Variants in MRPL51 observed in about 807,000 individuals in gnomAD.
MRPL51 encodes the protein large ribosomal subunit protein mL51.
A neutral mutation model predicts 15.0 loss-of-function variants in MRPL51; 6 were observed. The observed-to-expected ratio is 0.40, with a 90% CI of 0.22 to 0.79. MRPL51 has a LOEUF of 0.79. Among genes scored for constraint, MRPL51 ranks in the 30% least tolerant of loss-of-function variants. MRPL51 has a pLI of 0.36. For synonymous variants in MRPL51, 65 were observed against 58.3 expected, an observed-to-expected ratio of 1.11 and a Z score of -0.52; for missense variants, 155 against 166.4, an observed-to-expected ratio of 0.93 and a Z score of 0.38.
chr12:6,492,255 T>C lies in MRPL51; in HGVS notation c.*16A>G, dbSNP rs1349508229. The C allele has an allele frequency of 1.3e-6, 2 of 1,575,040 alleles. No individual in the cohort carries two copies. The highest frequency in any genetic ancestry group is 4.5e-5 in the East Asian group (2 of 44,062). On this transcript the variant is annotated 3_prime_UTR_variant, in exon 3 of 3. Transcript: ENST00000229238. ...GGTGACAGATGAGCCTTTTCCGAAG[T>C]TCTCAGCTTTCTCTTCTATCGAAAC...
Position 6,492,095 on chromosome 12 carries a change from G to A in MRPL51, c.*176C>T. On this transcript the variant is annotated 3_prime_UTR_variant, in exon 3 of 3. Coordinates refer to ENST00000229238, the MANE Select transcript of MRPL51 (RefSeq NM_016497.4). Reference sequence around the variant, plus strand: ...ATCTAGGATGAGTCAAGACTTCATAGTCTACATGAGTAGAGGCAGCATCTA... The same window carrying A: ...ATCTAGGATGAGTCAAGACTTCATAATCTACATGAGTAGAGGCAGCATCTA... 3.2e-6 allele frequency: 2 copies of A among 630,330 alleles called. No homozygotes were observed. Among genetic ancestry groups the A allele is most frequent in the Admixed American group, 3.5e-5 (1 of 28,666 alleles). The allele number at this position is 630,330 out of a possible 1,614,324, so 39.0% of individuals were successfully genotyped here.
rs1238355014 is a variant in MRPL51, at chr12:6,492,394, C to A, written c.264G>T (p.Leu88Phe). ...TTTTCCTCTTTCGGATACAACGTTGCAATTCATTCCCTTTCCAACCTCGAA... is the reference window on the plus strand; with the variant it reads ...TTTTCCTCTTTCGGATACAACGTTGAAATTCATTCCCTTTCCAACCTCGAA... ...IWLRGWKGNE[L>F]QRCIRKRKMV... is the part of the protein sequence containing the mutation. Residue 88 changes from leucine (L) to phenylalanine (F), a missense_variant, in exon 3 of 3, where the codon TTG becomes TTT. Coordinates refer to ENST00000229238, the MANE Select transcript of MRPL51 (RefSeq NM_016497.4). 1 of 1,614,118 alleles carries A rather than the reference C, an allele frequency of 6.2e-7. No individual in the cohort carries two copies. Among genetic ancestry groups the A allele is most frequent in the East Asian group, 2.2e-5 (1 of 44,892 alleles).
chr12:6,493,149 C>T lies in MRPL51; in HGVS notation c.-13G>A, dbSNP rs770460069. On this transcript the variant is annotated 5_prime_UTR_variant, in exon 1 of 3. Transcript: ENST00000229238. The stretch of plus-strand genomic sequence containing the variant: ...GGTTCCCTGCCATTTCTCTAGTCTC[C>T]CCCCTTCAACAGCACACCAAATAAG... 2 of 1,611,952 alleles carry T rather than the reference C, an allele frequency of 1.2e-6. No homozygotes were observed. The highest frequency in any genetic ancestry group is 2.2e-5 in the South Asian group (2 of 90,990).
intron 2 of MRPL51, 77 bp downstream of exon 2, chr12:6,492,785 A>T: frequency 7.1e-7 from 1 of 1,400,218 alleles, no homozygotes; most frequent in Non-Finnish European, 1.0e-6. Flanking sequence ...ACCACTCTCT[A>T]CACAGGAGGA....
Position 6,492,966 on chromosome 12 carries a change from G to A in MRPL51, c.86C>T (p.Pro29Leu), listed in dbSNP as rs11559083. 32 of 1,613,702 alleles carry A rather than the reference G, an allele frequency of 2.0e-5. No homozygotes were observed. Among genetic ancestry groups the A allele is most frequent in the Non-Finnish European group, 2.6e-5 (31 of 1,179,804 alleles). The change falls in exon 2 of 3, where the codon CCT (proline) becomes CTT (leucine). Residue 29 changes from proline to leucine, a missense_variant. By Grantham distance (98) the Pro-to-Leu change is moderately conservative. Transcript: ENST00000229238. ...AGTGAGCCTTATACCGATCAATCTA[G>A]GCACACCTGGGGATGGGGAAGGGAG... is the stretch of plus-strand genomic sequence containing the variant. Reference protein sequence around the residue: ...LACRSFSLGVPRLIGIRLTLP... With the variant: ...LACRSFSLGVLRLIGIRLTLP...
At chr12:6,492,545 T>G (rs1945932366) in intron 2 of MRPL51, 78 bp from the exon 3 acceptor site, 2 of 1,406,736 alleles carry the variant, frequency 1.4e-6, no homozygotes, top group Non-Finnish European at 1.9e-6. Flanking sequence ...AACCCACGGT[T>G]GCATCTTGCT....
chr12:6,492,865 G>C lies in MRPL51; in HGVS notation c.187C>G (p.Leu63Val). The change falls in exon 2 of 3, where the codon CTG becomes GTG. Residue 63 changes from leucine to valine, a missense_variant. Coordinates refer to ENST00000229238, the MANE Select transcript of MRPL51 (RefSeq NM_016497.4). ...CACGTCGAAGGTCAAGTCTTACCCA[G>C]GATCCCGATGTTGTCATACACTCCG... Reference protein sequence around the residue: ...MFGVYDNIGILGNFEKHPKEL... With the variant: ...MFGVYDNIGIVGNFEKHPKEL... The C allele has an allele frequency of 1.2e-6, 2 of 1,608,208 alleles. No homozygotes were observed. Among genetic ancestry groups the C allele is most frequent in the Middle Eastern group, 3.3e-4 (2 of 6,052 alleles).
chr12:6,492,326 T>C lies in MRPL51; in HGVS notation c.332A>G (p.Asn111Ser), dbSNP rs1359965760. ...RMFADDLHNL[N>S]KRIRYLYKHF... ...TTTGTAGAGATAGCGGATGCGTTTA[T>C]TAAGGTTGTGCAGGTCATCAGCGAA... is the stretch of plus-strand genomic sequence containing the variant. The change falls in exon 3 of 3, where the codon AAT (asparagine) becomes AGT (serine). Residue 111 changes from asparagine (N) to serine (S), a missense_variant. By Grantham distance (46) the Asn-to-Ser change is conservative. Transcript: ENST00000229238. 5 of 1,613,892 alleles carry C rather than the reference T, an allele frequency of 3.1e-6. No homozygotes were observed. The highest frequency in any genetic ancestry group is 2.2e-5 in the East Asian group (1 of 44,882).
At position 6,492,074 on chromosome 12, in the gene MRPL51, A is replaced by G. The variant is rs1182046876; in HGVS notation, c.*197T>C. 1 of 560,242 alleles carries G rather than the reference A, an allele frequency of 1.8e-6. No individual in the cohort carries two copies. The highest frequency in any genetic ancestry group is 1.9e-5 in the African/African-American group (1 of 52,600). 34.7% of individuals were successfully genotyped at this position (560,242 alleles called of 1,614,324 possible). On this transcript the variant is annotated 3_prime_UTR_variant, in exon 3 of 3. Transcript: ENST00000229238. ...GCCCAAACCTAAGATCCTAAGATCT[A>G]GGATGAGTCAAGACTTCATAGTCTA...
In MRPL51 at chr12:6,492,983, G is replaced by T; in HGVS notation, c.80-11C>A. ...TCAATCTAGGCACACCTGGGGATGG[G>T]GAAGGGAGGGAATTAATCTGAGCCG... On this transcript the variant is annotated splice_polypyrimidine_tract_variant and intron_variant, in intron 1 of 2. Coordinates refer to ENST00000229238, the MANE Select transcript of MRPL51 (RefSeq NM_016497.4). 6.2e-7 allele frequency: 1 copy of T among 1,613,502 alleles called. No individual in the cohort carries two copies. Among genetic ancestry groups the T allele is most frequent in the Non-Finnish European group, 8.5e-7 (1 of 1,179,456 alleles).
Position 6,492,131 on chromosome 12 carries a change from A to G in MRPL51, c.*140T>C, listed in dbSNP as rs1945925904. ...TAGAGGCAGCATCTAGAGGAAAACA[A>G]AAGTATGTGGCTATCAAATTCCAAA... On this transcript the variant is annotated 3_prime_UTR_variant, in exon 3 of 3. Coordinates refer to ENST00000229238, the MANE Select transcript of MRPL51 (RefSeq NM_016497.4). 1.2e-6 allele frequency: 1 copy of G among 866,078 alleles called. No individual in the cohort carries two copies. Among genetic ancestry groups the G allele is most frequent in the Non-Finnish European group, 1.8e-6 (1 of 570,164 alleles). 53.6% of individuals were successfully genotyped at this position (866,078 alleles called of 1,614,324 possible).
At position 6,492,493 on chromosome 12, in the gene MRPL51, G is replaced by C. The variant is rs748259699; in HGVS notation, c.191-26C>G. The C allele has an allele frequency of 1.5e-5, 24 of 1,568,224 alleles. No homozygotes were observed. The South Asian group carries it at 2.8e-4, about 18-fold the overall frequency. Reference sequence around the variant, plus strand: ...CTGTGTAATGTGAGAGAACACATTAGATCCAAGACAAGAGAACTCATCCTA... The same window carrying C: ...CTGTGTAATGTGAGAGAACACATTACATCCAAGACAAGAGAACTCATCCTA... On this transcript the variant is annotated intron_variant, in intron 2 of 2. Coordinates refer to ENST00000229238, the MANE Select transcript of MRPL51 (RefSeq NM_016497.4).
chr12:6,492,706 G>C (rs1228039527), intron 2 of MRPL51, among the ~76,000 whole-genome samples, 156 bp downstream of exon 2: 2 of 152,026 alleles, frequency 1.3e-5, no homozygotes, highest in East Asian at 3.9e-4. Flanking sequence ...TTATACGAGG[G>C]GACTCAGAAC....
At position 6,492,295 on chromosome 12, in the gene MRPL51, A is replaced by G; in HGVS notation, c.363T>C (p.Phe121=). 6.2e-7 allele frequency: 1 copy of G among 1,607,294 alleles called. No homozygotes were observed. Among genetic ancestry groups the G allele is most frequent in the Non-Finnish European group, 8.5e-7 (1 of 1,177,794 alleles). The change falls in exon 3 of 3, where the codon TTT becomes TTC. Residue 121 remains phenylalanine (F), a synonymous_variant. Transcript: ENST00000229238. The part of the protein sequence containing the change: ...NKRIRYLYKH[F]NRHGKFR ...TCTATCGAAACTTCCCATGTCGGTT[A>G]AAGTGTTTGTAGAGATAGCGGATGC...
rs3948654 is a variant in MRPL51, at chr12:6,492,121, G to A, written c.*150C>T. 40 of 770,200 alleles carry A rather than the reference G, an allele frequency of 5.2e-5. No individual in the cohort carries two copies. In the Middle Eastern group the frequency reaches 1.5e-3, roughly 29 times the overall value. The allele number at this position is 770,200 out of a possible 1,614,324, so 47.7% of individuals were successfully genotyped here. A position where few individuals can be genotyped will look rare whatever the true frequency, so the allele number is the denominator to read the frequency against. ...TCTACATGAGTAGAGGCAGCATCTA[G>A]AGGAAAACAAAAGTATGTGGCTATC... On this transcript the variant is annotated 3_prime_UTR_variant, in exon 3 of 3. Transcript: ENST00000229238.
chr12:6,493,039 G>A lies in MRPL51; in HGVS notation c.79+19C>T. 1.2e-6 allele frequency: 2 copies of A among 1,613,950 alleles called. No homozygotes were observed. Among genetic ancestry groups the A allele is most frequent in the Non-Finnish European group, 1.7e-6 (2 of 1,179,976 alleles). On this transcript the variant is annotated intron_variant, in intron 1 of 2. Coordinates refer to ENST00000229238, the MANE Select transcript of MRPL51 (RefSeq NM_016497.4). ...TATACTACGAAGCAGTTATCGGGGT[G>A]CCTACATCAGCCACTTACCAAGAGA... is the stretch of plus-strand genomic sequence containing the variant.
In MRPL51 at chr12:6,492,276, G is replaced by A. The variant is rs758770414; in HGVS notation, c.382C>T (p.Arg128Ter). The A allele has an allele frequency of 6.3e-7, 1 of 1,594,102 alleles. No individual in the cohort carries two copies. The highest frequency in any genetic ancestry group is 8.5e-7 in the Non-Finnish European group (1 of 1,171,652). ...YKHFNRHGKF[R>*] The stretch of plus-strand genomic sequence containing the variant: ...GAAGTTCTCAGCTTTCTCTTCTATC[G>A]AAACTTCCCATGTCGGTTAAAGTGT... Residue 128 changes from arginine to a stop codon, truncating the protein, a stop_gained, in exon 3 of 3, where the codon CGA (arginine) becomes TGA (stop). Transcript: ENST00000229238. LOFTEE classifies it high-confidence loss of function.
At chr12:6,492,568 T>TA (rs1477435901) in intron 2 of MRPL51, 101 bp from the exon 3 acceptor site, 2 of 1,230,052 alleles carry the variant, frequency 1.6e-6, no homozygotes, top group Non-Finnish European at 2.3e-6. Context: ...GCAGCACCTA[T>TA]AGACAAGGAA....
In MRPL51 at chr12:6,492,233, G is replaced by A. The variant is rs746422940; in HGVS notation, c.*38C>T. 2.6e-6 allele frequency: 4 copies of A among 1,534,452 alleles called. No individual in the cohort carries two copies. The highest frequency in any genetic ancestry group is 2.1e-5 in the Admixed American group (1 of 47,276). On this transcript the variant is annotated 3_prime_UTR_variant, in exon 3 of 3. Transcript: ENST00000229238. ...AAGTACAGTTTCCCTTCTCCAGGGT[G>A]ACAGATGAGCCTTTTCCGAAGTTCT... is the stretch of plus-strand genomic sequence containing the variant.
Sources: gnomAD v4.1 joint callset for allele counts (sites outside exome capture counted in the v4.1 genomes callset) on GRCh38, gnomAD v4.1.1 for gene constraint, MANE v1.5 for transcripts, NCBI Gene and HGNC (gene_info 2026-07-23, HGNC 2026-07-21) for gene names.